Variants in TANK observed in about 807,000 individuals in gnomAD.
TANK encodes the protein TRAF family member-associated NF-kappa-B activator.
TANK carries 15 observed loss-of-function variants against 43.6 expected under a neutral mutation model. The ratio of observed to expected loss-of-function variants is 0.34; its 90% CI spans 0.23 to 0.53. The LOEUF (loss-of-function observed/expected upper bound fraction) is 0.53. Ranked by LOEUF, TANK falls within the 20% of genes least tolerant of loss-of-function variation. TANK has a pLI of 0.94. For missense variants in TANK, 417 were observed against 498.6 expected (o/e 0.84, Z 1.56); for synonymous variants, 162 against 178.2 (o/e 0.91, Z 0.73).
chr2:161,160,416 C>T (rs1684359278), upstream of TANK: 2 of 1,240,372 alleles, frequency 1.6e-6, no homozygotes, highest in African/African-American at 3.1e-5. Context: ...AATGCAACTT[C>T]CGGTTGGAGT....
intron 5 of TANK, 133 bp downstream of exon 5, chr2:161,224,124 G>A (rs1223899751): frequency 2.3e-5 from 13 of 565,114 alleles, no homozygotes; most frequent in Middle Eastern, 9.9e-4. Flanking sequence ...ACCAACCCCA[G>A]AATCCTACAT....
At chr2:161,229,329 G>A (rs971597539) in intron 6 of TANK, among the ~76,000 whole-genome samples, 1 of 152,194 alleles carries the variant, frequency 6.6e-6, no homozygotes, top group African/African-American at 2.4e-5. Context: ...AGCCTTTTCT[G>A]AGATCTGAGG....
intron 1 of TANK, among the ~76,000 whole-genome samples, chr2:161,176,613 A>G (rs1329214629): frequency 6.6e-6 from 1 of 152,176 alleles, no homozygotes; most frequent in Non-Finnish European, 1.5e-5. Flanking sequence ...TCGATAGAAC[A>G]GACATGCATT....
intron 6 of TANK, chr2:161,226,937 A>G (rs569358099): frequency 6.6e-6 from 1 of 152,384 alleles, no homozygotes; most frequent in South Asian, 2.1e-4. Flanking sequence ...AAGTAACTAA[A>G]TGGATAGCCT....
At chr2:161,160,958 C>T (rs1684401022) in intron 1 of TANK, 4 of 429,036 alleles carry the variant, frequency 9.3e-6, no homozygotes, top group Non-Finnish European at 1.8e-5. Flanking sequence ...GGTGGTTGCA[C>T]AATTCCCCTC....
At chr2:161,218,753 C>A (rs1687223791) in intron 4 of TANK, among the ~76,000 whole-genome samples, 1 of 152,170 alleles carries the variant, frequency 6.6e-6, no homozygotes, top group Admixed American at 6.5e-5. Context: ...AGCTTCTGTT[C>A]TTCATGGTGT....
chr2:161,178,434 C>G (rs1003516002), intron 1 of TANK, among the ~76,000 whole-genome samples: 1 of 149,714 alleles, frequency 6.7e-6, no homozygotes, highest in African/African-American at 2.5e-5. Context: ...CATTTATATG[C>G]AGTGTCAAAA....
At chr2:161,192,046 C>T (rs528996609) in intron 2 of TANK, among the ~76,000 whole-genome samples, 1 of 152,270 alleles carries the variant, frequency 6.6e-6, no homozygotes, top group Admixed American at 6.5e-5. Context: ...CCTCAGCCTC[C>T]CAAAGTGCTG....
chr2:161,190,390 G>C (rs1176236015), intron 2 of TANK, among the ~76,000 whole-genome samples: 1 of 152,028 alleles, frequency 6.6e-6, no homozygotes, highest in Non-Finnish European at 1.5e-5. Context: ...AAAATGGTAT[G>C]GCAATTCTTA....
intron 1 of TANK, among the ~76,000 whole-genome samples, chr2:161,172,696 G>A (rs1685004761): frequency 6.6e-6 from 1 of 152,098 alleles, no homozygotes; most frequent in African/African-American, 2.4e-5. Context: ...AATCACCTGA[G>A]GCGCTTTGCT....
intron 1 of TANK, among the ~76,000 whole-genome samples, chr2:161,167,089 G>A (rs1192084354): frequency 2.0e-5 from 3 of 152,234 alleles, no homozygotes; most frequent in Non-Finnish European, 2.9e-5. Context: ...AATAGGCTCA[G>A]CAGTTGGGGA....
Position 161,151,570 on chromosome 2 carries a change from T to C in TANK, c.-50+14507T>C, listed in dbSNP as rs140441404. ...TTTTACTAAAAGTCTATTTATCTAA[T>C]ATTAGTTTAGCCACGCCATCTCTCT... On this transcript the variant is annotated intron_variant, in intron 1 of 7. Transcript: ENST00000259075. 8.5e-3 allele frequency among the ~76,000 whole-genome samples: 1,298 copies of C among 152,326 alleles called. 14 individuals are homozygous for C. The highest frequency in any genetic ancestry group is 8.7e-3 in the Non-Finnish European group (595 of 68,002).
intron 2 of TANK, among the ~76,000 whole-genome samples, chr2:161,183,727 A>G (rs1326723396): frequency 6.6e-6 from 1 of 152,062 alleles, no homozygotes; most frequent in Admixed American, 6.5e-5. Context: ...GTATGTTAAA[A>G]TCAAAATATT....
intron 1 of TANK, among the ~76,000 whole-genome samples, chr2:161,143,359 G>C (rs1683808061): frequency 1.3e-5 from 2 of 152,278 alleles, no homozygotes; most frequent in South Asian, 4.1e-4. Context: ...CCAATACTAT[G>C]TTGAATAGGA....
intron 6 of TANK, among the ~76,000 whole-genome samples, chr2:161,227,322 C>T (rs574030647): frequency 1.3e-5 from 2 of 152,296 alleles, no homozygotes; most frequent in Admixed American, 6.5e-5. Context: ...GATAGATCAA[C>T]TGCTAGAAAA....
intron 4 of TANK, chr2:161,223,261 A>G (rs1349677817): frequency 1.3e-5 from 2 of 152,098 alleles, no homozygotes; most frequent in African/African-American, 2.4e-5. Context: ...CATAGAATAC[A>G]TTATTACAAT....
intron 4 of TANK, among the ~76,000 whole-genome samples, chr2:161,215,443 T>C (rs1687076478): frequency 6.6e-6 from 1 of 152,194 alleles, no homozygotes; most frequent in Admixed American, 6.5e-5. Flanking sequence ...AATTAATCTA[T>C]ATTAAGTCTA....
At chr2:161,171,603 A>G (rs1051981656) in intron 1 of TANK, among the ~76,000 whole-genome samples, 1 of 152,220 alleles carries the variant, frequency 6.6e-6, no homozygotes, top group Admixed American at 6.5e-5. Flanking sequence ...TCAAGGCTAA[A>G]TGGCTGCTCA....
At chr2:161,234,261 C>G (rs1559014334) in intron 7 of TANK, among the ~76,000 whole-genome samples, 1 of 152,142 alleles carries the variant, frequency 6.6e-6, no homozygotes, top group Non-Finnish European at 1.5e-5. Context: ...AACAGTAACA[C>G]TTGTCAGGTG....
Sources: allele counts gnomAD v4.1 joint callset (sites outside exome capture counted in the v4.1 genomes callset), GRCh38; gene constraint gnomAD v4.1.1; transcripts MANE v1.5; gene names NCBI Gene and HGNC (gene_info 2026-07-23, HGNC 2026-07-21).